RIC1: variants seen among roughly 807,000 people sequenced by gnomAD.
RIC1 encodes RIC1 partner of RAB6A GEF complex, also known as guanine nucleotide exchange factor subunit RIC1.
A neutral mutation model predicts 169.0 loss-of-function variants in RIC1; 88 were observed. That is an observed-to-expected ratio of 0.52 (90% confidence interval 0.44 to 0.62). The LOEUF is 0.62. Ranked by LOEUF, RIC1 falls within the 20% of genes least tolerant of loss-of-function variation. The pLI is 0.00. For synonymous variants in RIC1, 790 were observed against 601.5 expected, an observed-to-expected ratio of 1.31 and a Z score of -4.59; for missense variants, 1,877 against 1,725.5, an observed-to-expected ratio of 1.09 and a Z score of -1.56.
At chr9:5,680,487 G>A (rs921879148) in intron 2 of RIC1, among the ~76,000 whole-genome samples, 2 of 152,000 alleles carry the variant, frequency 1.3e-5, no homozygotes, top group Non-Finnish European at 2.9e-5. Context: ...TTTTTTGGTT[G>A]GTAAGCTATT....
chr9:5,655,212 C>G (rs1024864311), intron 1 of RIC1, among the ~76,000 whole-genome samples: 3 of 152,154 alleles, frequency 2.0e-5, no homozygotes, highest in Admixed American at 6.5e-5. Flanking sequence ...TCTTCTTTAT[C>G]ACGTTGAAAA....
rs1823530615 is a variant in RIC1, at chr9:5,720,625, C to T, written c.595C>T (p.Leu199=). ...DLQSSRVGSF[L]GFTDVHIRDM... is the part of the protein sequence containing the mutation. ...ATTTTTTTCATCAGTAGGTTCATTC[C>T]TGGGCTTCACAGACGTACACATCAG... Residue 199 remains leucine (L), a synonymous_variant, in exon 6 of 26, where the codon CTG becomes TTG. Coordinates refer to ENST00000414202, the MANE Select transcript of RIC1 (RefSeq NM_020829.4). The T allele has an allele frequency of 5.6e-6, 9 of 1,597,036 alleles. No homozygotes were observed. Among genetic ancestry groups the T allele is most frequent in the Non-Finnish European group, 6.8e-6 (8 of 1,175,290 alleles).
At chr9:5,733,862 C>G (rs1824527166) in intron 7 of RIC1, among the ~76,000 whole-genome samples, 1 of 151,506 alleles carries the variant, frequency 6.6e-6, no homozygotes, top group East Asian at 1.9e-4. Context: ...TTATGGCTGT[C>G]TCATAAAGCA....
chr9:5,736,529 A>T (rs948817372), intron 7 of RIC1, among the ~76,000 whole-genome samples: 8 of 152,200 alleles, frequency 5.3e-5, no homozygotes, highest in Non-Finnish European at 1.2e-4. Context: ...AGATAAGCAC[A>T]TGGAAATCAG....
intron 8 of RIC1, among the ~76,000 whole-genome samples, chr9:5,741,555 C>G (rs1462565311): frequency 6.6e-6 from 1 of 152,078 alleles, no homozygotes; most frequent in African/African-American, 2.4e-5. Context: ...TGCTGATCCT[C>G]TCCAGTTATG....
intron 9 of RIC1, 126 bp downstream of exon 9, chr9:5,743,139 T>C: frequency 1.3e-6 from 1 of 792,494 alleles, no homozygotes; most frequent in Non-Finnish European, 2.0e-6. Context: ...ATTTGCAAAG[T>C]TCATAATCTG....
intron 2 of RIC1, among the ~76,000 whole-genome samples, chr9:5,686,960 A>T (rs1385102014): frequency 6.6e-6 from 1 of 152,160 alleles, no homozygotes; most frequent in Non-Finnish European, 1.5e-5. Context: ...TTTACCAGTG[A>T]TGCTGTCTCA....
intron 3 of RIC1, among the ~76,000 whole-genome samples, chr9:5,692,553 A>T (rs920225375): frequency 3.3e-5 from 5 of 152,064 alleles, no homozygotes; most frequent in African/African-American, 9.7e-5. Context: ...AAAATCTCTT[A>T]TATGAAAATA....
Position 5,738,529 on chromosome 9 carries a change from C to G in RIC1, c.892C>G (p.Gln298Glu), listed in dbSNP as rs1824874805. The G allele has an allele frequency of 8.5e-7, 1 of 1,175,190 alleles. No homozygotes were observed. The highest frequency in any genetic ancestry group is 2.4e-5 in the East Asian group (1 of 41,020). 72.8% of individuals were successfully genotyped at this position (1,175,190 alleles called of 1,614,324 possible). A position where few individuals can be genotyped will look rare whatever the true frequency, so the allele number is the denominator to read the frequency against. ...TCATAAATTAGAGCTAACAGCAAAACAGTATCCTGGTGAGTCTTTTTTTTT... is the reference window on the plus strand; with the variant it reads ...TCATAAATTAGAGCTAACAGCAAAAGAGTATCCTGGTGAGTCTTTTTTTTT... ...LSHKLELTAK[Q>E]YPDIWNKTGA... Residue 298 changes from glutamine to glutamate, a missense_variant, in exon 8 of 26, where the codon CAG becomes GAG. Gln to Glu is a conservative substitution (Grantham distance 29). This residue lies in a region of RIC1 where 1,104 missense variants were observed against 992.0 expected (regional missense o/e 1.11). Transcript: ENST00000414202.
chr9:5,710,233 C>T (rs1478541901), intron 3 of RIC1, among the ~76,000 whole-genome samples: 1 of 152,150 alleles, frequency 6.6e-6, no homozygotes, highest in Non-Finnish European at 1.5e-5. Flanking sequence ...CAGGGGCCAT[C>T]AACATAGAGA....
At chr9:5,725,424 T>C (rs961909573) in intron 6 of RIC1, among the ~76,000 whole-genome samples, 2 of 152,226 alleles carry the variant, frequency 1.3e-5, no homozygotes, top group Non-Finnish European at 2.9e-5. Context: ...CATTTTTTAT[T>C]GCGTCTACTT....
chr9:5,704,573 G>T (rs1474954611), intron 3 of RIC1, among the ~76,000 whole-genome samples: 1 of 151,958 alleles, frequency 6.6e-6, no homozygotes, highest in Non-Finnish European at 1.5e-5. Context: ...ATATATTCTG[G>T]ATACTACATC....
At chr9:5,665,089 G>C (rs1199386794) in intron 2 of RIC1, among the ~76,000 whole-genome samples, 1 of 152,038 alleles carries the variant, frequency 6.6e-6, no homozygotes, top group East Asian at 1.9e-4. Context: ...GTGAATCTGG[G>C]TGTTCCTACA....
At chr9:5,676,566 A>G (rs1208610300) in intron 2 of RIC1, among the ~76,000 whole-genome samples, 1 of 152,186 alleles carries the variant, frequency 6.6e-6, no homozygotes, top group Non-Finnish European at 1.5e-5. Flanking sequence ...TAATAATGAA[A>G]TGTTAGTAAT....
intron 17 of RIC1, among the ~76,000 whole-genome samples, chr9:5,759,195 T>C (rs994300912): frequency 6.6e-6 from 1 of 152,174 alleles, no homozygotes; most frequent in Non-Finnish European, 1.5e-5. Context: ...TGAAAAAAAG[T>C]GACAATTTAA....
intron 1 of RIC1, among the ~76,000 whole-genome samples, chr9:5,645,975 CT>C (rs943723706): frequency 9.3e-4 from 123 of 132,526 alleles, no homozygotes; most frequent in Non-Finnish European, 1.3e-3. Flanking sequence ...AGAAATTTTG[CT>C]TTTTTTTTTA....
intron 8 of RIC1, among the ~76,000 whole-genome samples, chr9:5,742,618 A>G (rs1029843705): frequency 6.6e-6 from 1 of 152,168 alleles, no homozygotes; most frequent in Non-Finnish European, 1.5e-5. Flanking sequence ...AATCAAGCTA[A>G]TAGTGACTAG....
rs1827301346 is a variant in RIC1, at chr9:5,772,679, G to C, written c.3732G>C (p.Glu1244Asp). 1.2e-6 allele frequency: 2 copies of C among 1,613,658 alleles called. No individual in the cohort carries two copies. Among genetic ancestry groups the C allele is most frequent in the East Asian group, 2.2e-5 (1 of 44,860 alleles). Reference protein sequence around the residue: ...NFSTLSLTQSELEHISMELAS... With the variant: ...NFSTLSLTQSDLEHISMELAS... The stretch of plus-strand genomic sequence containing the variant: ...CTACACTCAGTTTAACTCAGTCAGA[G>C]CTGGAGCACATTTCCATGGAGTTGG... Residue 1244 changes from glutamate (E) to aspartate (D), a missense_variant, in exon 24 of 26, where the codon GAG (glutamate) becomes GAC (aspartate). Transcript: ENST00000414202.
intron 1 of RIC1, among the ~76,000 whole-genome samples, chr9:5,630,098 C>CA (rs1428214043): frequency 2.6e-5 from 4 of 152,306 alleles, no homozygotes; most frequent in Non-Finnish European, 1.5e-5. Flanking sequence ...AAGTAGAACT[C>CA]AAATCTGTCC....
Sources: allele counts gnomAD v4.1 joint callset (sites outside exome capture counted in the v4.1 genomes callset), GRCh38; gene constraint gnomAD v4.1.1; regional missense constraint gnomAD v4.1.1; transcripts MANE v1.5; gene names NCBI Gene and HGNC (gene_info 2026-07-23, HGNC 2026-07-21).